The following PACSIN1 variants were observed in gnomAD, a reference collection of about 807,000 sequenced individuals.
The protein encoded by PACSIN1 is protein kinase C and casein kinase substrate in neurons protein 1.
PACSIN1 carries 15 observed loss-of-function variants against 59.5 expected under a neutral mutation model. That is an observed-to-expected ratio of 0.25 (90% CI 0.17 to 0.39). PACSIN1 has a LOEUF of 0.39. Among genes scored for constraint, PACSIN1 ranks in the 10% least tolerant of loss-of-function variants. The probability of loss-of-function intolerance (pLI) is 1.00; values close to 1 mark genes in which losing one functional copy is unlikely to be tolerated. For synonymous variants in PACSIN1, 210 were observed against 220.6 expected (o/e 0.95, Z 0.42); for missense variants, 420 against 580.2 (o/e 0.72, Z 2.84).
chr6:34,526,414 TG>T, intron 2 of PACSIN1, 46 bp downstream of exon 2: 5 of 1,514,836 alleles, frequency 3.3e-6, no homozygotes, highest in Non-Finnish European at 4.6e-6. Context: ...ACAGCCTGGC[TG>T]TTTGGAGGCC....
At chr6:34,504,246 ATGTGTGTG>A (rs372732742) in intron 1 of PACSIN1, among the ~76,000 whole-genome samples, 1 of 107,816 alleles carries the variant, frequency 9.3e-6, no homozygotes, top group Non-Finnish European at 1.8e-5. Context: ...AGACAATGTT[ATGTGTGTG>A]TGTGTGTGTG....
chr6:34,471,200 A>G (rs1766567012), intron 1 of PACSIN1, among the ~76,000 whole-genome samples: 1 of 152,032 alleles, frequency 6.6e-6, no homozygotes, highest in Non-Finnish European at 1.5e-5. Context: ...TGCCCGCCTC[A>G]GCCTCCCAAA....
At chr6:34,487,706 A>G (rs143383157) in intron 1 of PACSIN1, among the ~76,000 whole-genome samples, 51 of 152,202 alleles carry the variant, frequency 3.4e-4, no homozygotes, top group African/African-American at 1.1e-3. Flanking sequence ...CCTCGCATTG[A>G]CCAGTCACTG....
chr6:34,528,994 C>A, intron 4 of PACSIN1, 117 bp downstream of exon 4: 2 of 777,936 alleles, frequency 2.6e-6, no homozygotes, highest in South Asian at 1.7e-5. Context: ...TGGGATTGTG[C>A]CCACAGGGGA....
chr6:34,500,458 T>C (rs1767007317), intron 1 of PACSIN1, among the ~76,000 whole-genome samples: 2 of 152,218 alleles, frequency 1.3e-5, no homozygotes, highest in Admixed American at 6.5e-5. Context: ...TTCTGAGCAG[T>C]AGGTCTCAAC....
chr6:34,498,144 C>T (rs1160415846), intron 1 of PACSIN1, among the ~76,000 whole-genome samples: 2 of 152,160 alleles, frequency 1.3e-5, no homozygotes, highest in African/African-American at 2.4e-5. Context: ...TCATTGCAAC[C>T]TCTGCCTCCC....
At chr6:34,506,186 A>G (rs1211630566) in intron 1 of PACSIN1, among the ~76,000 whole-genome samples, 1 of 151,458 alleles carries the variant, frequency 6.6e-6, no homozygotes, top group Non-Finnish European at 1.5e-5. Flanking sequence ...ATTAAAGTTG[A>G]GATTTTCCTG....
chr6:34,507,582 T>C (rs552473863), intron 1 of PACSIN1, among the ~76,000 whole-genome samples: 9 of 151,848 alleles, frequency 5.9e-5, no homozygotes, highest in African/African-American at 2.2e-4. Flanking sequence ...ACATGAGATC[T>C]ACCCTTCTAA....
At chr6:34,482,930 G>A (rs1441000966) in intron 1 of PACSIN1, among the ~76,000 whole-genome samples, 1 of 150,690 alleles carries the variant, frequency 6.6e-6, no homozygotes, top group Non-Finnish European at 1.5e-5. Context: ...CAGGTGGTCT[G>A]CCCACTTTGG....
intron 1 of PACSIN1, among the ~76,000 whole-genome samples, chr6:34,498,796 C>CA (rs1228510694): frequency 0.45 from 42,593 of 95,316 alleles, 9,130 homozygotes; most frequent in East Asian, 0.62. Context: ...GACTTTGTCT[C>CA]AAAAAAAAAA....
At chr6:34,497,452 C>T (rs1485010686) in intron 1 of PACSIN1, among the ~76,000 whole-genome samples, 1 of 152,154 alleles carries the variant, frequency 6.6e-6, no homozygotes, top group African/African-American at 2.4e-5. Flanking sequence ...AAAGCTTGGG[C>T]AGATAGGCTT....
At chr6:34,467,769 G>A (rs1441072541) in intron 1 of PACSIN1, among the ~76,000 whole-genome samples, 1 of 151,954 alleles carries the variant, frequency 6.6e-6, no homozygotes, top group Non-Finnish European at 1.5e-5. Flanking sequence ...TGTTGGTCAG[G>A]CTGGTCTCGA....
intron 1 of PACSIN1, among the ~76,000 whole-genome samples, chr6:34,496,275 A>C (rs981979786): frequency 4.8e-4 from 73 of 152,186 alleles, no homozygotes; most frequent in African/African-American, 1.5e-3. Flanking sequence ...TCTAGTTTAC[A>C]TTCTGCTCTC....
chr6:34,506,720 G>A (rs73746663), intron 1 of PACSIN1, among the ~76,000 whole-genome samples: 2,639 of 152,296 alleles, frequency 0.017, 51 homozygotes, highest in African/African-American at 0.05. Flanking sequence ...GCAGTGGTGG[G>A]AGTTCTGGCA....
intron 1 of PACSIN1, among the ~76,000 whole-genome samples, chr6:34,496,571 A>G (rs138130357): frequency 1.3e-5 from 2 of 152,326 alleles, no homozygotes; most frequent in Non-Finnish European, 2.9e-5. Context: ...TCGTGGGAAG[A>G]CTGATGCTGA....
rs548638033 is a variant in PACSIN1 at position 34,533,948 on chromosome 6, A to G, written c.*1418A>G. Reference sequence around the variant, plus strand: ...GCAGACCAGGGTTGGACAAAACCCCATGAGGGCGGGGAGCTGGAAGAAAAG... The same window carrying G: ...GCAGACCAGGGTTGGACAAAACCCCGTGAGGGCGGGGAGCTGGAAGAAAAG... On this transcript the variant is annotated 3_prime_UTR_variant, in exon 10 of 10. Coordinates refer to ENST00000244458, the MANE Select transcript of PACSIN1 (RefSeq NM_020804.5). 6.6e-6 allele frequency: 1 copy of G among 152,464 alleles called. No individual in the cohort carries two copies. Among genetic ancestry groups the G allele is most frequent in the African/African-American group, 2.4e-5 (1 of 41,564 alleles). The allele number at this position is 152,464 out of a possible 1,614,324, so 9.4% of individuals were successfully genotyped here.
intron 1 of PACSIN1, among the ~76,000 whole-genome samples, chr6:34,490,284 C>G (rs928820169): frequency 8.3e-6 from 1 of 121,188 alleles, no homozygotes; most frequent in African/African-American, 3.3e-5. Flanking sequence ...CCAGGCTGAT[C>G]TTGAACTCCT....
In PACSIN1 at chr6:34,533,509, CA is replaced by C; in HGVS notation, c.*984del. ...CCCCCACTCTCCCTCCATGTCCATC[CA>C]AAAACCATAAAATCACTGGGTTCCA... On this transcript the variant is annotated 3_prime_UTR_variant, in exon 10 of 10. Transcript: ENST00000244458. 1 of 152,616 alleles carries C rather than the reference CA, an allele frequency of 6.6e-6. No homozygotes were observed. Among genetic ancestry groups the C allele is most frequent in the Non-Finnish European group, 1.5e-5 (1 of 68,270 alleles). The allele number at this position is 152,616 out of a possible 1,614,324, so 9.5% of individuals were successfully genotyped here.
chr6:34,526,613 G>A (rs922857485), intron 2 of PACSIN1, among the ~76,000 whole-genome samples: 6 of 152,234 alleles, frequency 3.9e-5, no homozygotes, highest in Non-Finnish European at 5.9e-5. Flanking sequence ...CACAATGTGG[G>A]AACAGGCCCT....
Sources: allele counts gnomAD v4.1 joint callset (sites outside exome capture counted in the v4.1 genomes callset), GRCh38; gene constraint gnomAD v4.1.1; transcripts MANE v1.5; gene names NCBI Gene and HGNC (gene_info 2026-07-23, HGNC 2026-07-21).